Variants in PPP1R15B observed in about 807,000 individuals in gnomAD.
PPP1R15B encodes protein phosphatase 1, regulatory (inhibitor) subunit 15B.
In PPP1R15B, 31 loss-of-function variants were observed where a neutral mutation model predicts 53.9. The ratio of observed to expected loss-of-function variants is 0.58; its 90% CI spans 0.43 to 0.78. The LOEUF (loss-of-function observed/expected upper bound fraction) is 0.78. Among genes scored for constraint, PPP1R15B ranks in the 30% least tolerant of loss-of-function variants. PPP1R15B has a pLI of 0.00. For synonymous variants in PPP1R15B, 345 were observed against 329.1 expected, an observed-to-expected ratio of 1.05 and a Z score of -0.52; for missense variants, 928 against 849.6, an observed-to-expected ratio of 1.09 and a Z score of -1.15.
chr1:204,404,681 T>C lies in PPP1R15B; in HGVS notation c.*1411A>G, dbSNP rs1674235356. The C allele has an allele frequency of 1.0e-5, 10 of 985,690 alleles. No homozygotes were observed. Among genetic ancestry groups the C allele is most frequent in the South Asian group, 4.7e-5 (1 of 21,288 alleles). The allele number at this position is 985,690 out of a possible 1,614,324, so 61.1% of individuals were successfully genotyped here. The stretch of plus-strand genomic sequence containing the variant: ...GTAGTAACCCTGTAAGCACTTCTGA[T>C]GAAAAATTCATCCCCACACTTAAAT... On this transcript the variant is annotated 3_prime_UTR_variant, in exon 2 of 2. Transcript: ENST00000367188.
Position 204,405,552 on chromosome 1 carries a change from G to A in PPP1R15B, c.*540C>T. 2.0e-6 allele frequency: 2 copies of A among 980,362 alleles called. No homozygotes were observed. Among genetic ancestry groups the A allele is most frequent in the Non-Finnish European group, 2.4e-6 (2 of 825,786 alleles). The allele number at this position is 980,362 out of a possible 1,614,324, so 60.7% of individuals were successfully genotyped here. Reference sequence around the variant, plus strand: ...AAAAAAAAAAGTGACACAAAATAATGCACTTTAAGTTGGTAGCATACACAA... The same window carrying A: ...AAAAAAAAAAGTGACACAAAATAATACACTTTAAGTTGGTAGCATACACAA... On this transcript the variant is annotated 3_prime_UTR_variant, in exon 2 of 2. Transcript: ENST00000367188.
At chr1:204,401,867 C>G (rs899630509), downstream of PPP1R15B, among the ~76,000 whole-genome samples, 6 of 152,118 alleles carry the variant, frequency 3.9e-5, no homozygotes, top group African/African-American at 1.4e-4. Context: ...GCTGTTGAGG[C>G]TACAGTGAGC....
downstream of PPP1R15B, among the ~76,000 whole-genome samples, chr1:204,398,943 T>C (rs1674132059): frequency 6.6e-6 from 1 of 152,256 alleles, no homozygotes; most frequent in African/African-American, 2.4e-5. Flanking sequence ...ATGGATGTGG[T>C]ATACCTAGCC....
rs1055558995 is a variant in PPP1R15B at position 204,411,575 on chromosome 1, C to A, written c.-164G>T. ...GAAAAGCCACAGAGGGCAGCGAATG[C>A]GGCAGCGGGCGGCAGAACACAGGGA... On this transcript the variant is annotated 5_prime_UTR_variant, in exon 1 of 2. Transcript: ENST00000367188. 4.0e-5 allele frequency: 35 copies of A among 864,368 alleles called. No individual in the cohort carries two copies. In the African/African-American group the frequency reaches 5.8e-4, roughly 14 times the overall value. The allele number at this position is 864,368 out of a possible 1,614,324, so 53.5% of individuals were successfully genotyped here. A position where few individuals can be genotyped will look rare whatever the true frequency, so the allele number is the denominator to read the frequency against.
At chr1:204,396,601 C>T (rs1674103374), downstream of PPP1R15B, among the ~76,000 whole-genome samples, 1 of 150,384 alleles carries the variant, frequency 6.6e-6, no homozygotes, top group Non-Finnish European at 1.5e-5. Flanking sequence ...CTGCCAAAAG[C>T]TGGAGGTTGG....
downstream of PPP1R15B, among the ~76,000 whole-genome samples, chr1:204,397,860 T>A (rs1400544884): frequency 6.6e-6 from 1 of 151,520 alleles, no homozygotes; most frequent in Non-Finnish European, 1.5e-5. Flanking sequence ...ATTTAAAACT[T>A]TGGGTTTCAG....
chr1:204,409,435 T>C, intron 1 of PPP1R15B, 57 bp downstream of exon 1: 1 of 1,529,888 alleles, frequency 6.5e-7, no homozygotes, highest in Non-Finnish European at 8.8e-7. Context: ...GCTGCTATAT[T>C]TAAGCATATA....
In PPP1R15B at chr1:204,405,311, A is replaced by G. The variant is rs930338918; in HGVS notation, c.*781T>C. ...AACCTGTTAAGAGATACAAAGAACT[A>G]TATTAAACTGGGAACTACAATAACG... is the stretch of plus-strand genomic sequence containing the variant. On this transcript the variant is annotated 3_prime_UTR_variant, in exon 2 of 2. Transcript: ENST00000367188. 24 of 978,928 alleles carry G rather than the reference A, an allele frequency of 2.5e-5. No individual in the cohort carries two copies. The highest frequency in any genetic ancestry group is 2.3e-4 in the East Asian group (2 of 8,798). 60.6% of individuals were successfully genotyped at this position (978,928 alleles called of 1,614,324 possible).
In PPP1R15B at chr1:204,409,682, G is replaced by A; in HGVS notation, c.1730C>T (p.Thr577Ile). The change falls in exon 1 of 2, where the codon ACA (threonine) becomes ATA (isoleucine). Residue 577 changes from threonine to isoleucine, a missense_variant. Physicochemically the swap from Thr to Ile is moderately conservative, Grantham distance 89 (BLOSUM62 -1). Transcript: ENST00000367188. Reference sequence around the variant, plus strand: ...ACAGCCTTTCTCATTTTCCCCTGATGTTTGAAAAGGAGCCTTAAAATTTAA... The same window carrying A: ...ACAGCCTTTCTCATTTTCCCCTGATATTTGAAAAGGAGCCTTAAAATTTAA... ...NPLNFKAPFQ[T>I]SGENEKGCRD... 1 of 1,614,068 alleles carries A rather than the reference G, an allele frequency of 6.2e-7. No homozygotes were observed. The highest frequency in any genetic ancestry group is 1.1e-5 in the South Asian group (1 of 91,082).
downstream of PPP1R15B, among the ~76,000 whole-genome samples, chr1:204,402,494 A>C (rs1674193763): frequency 6.6e-6 from 1 of 152,088 alleles, no homozygotes; most frequent in African/African-American, 2.4e-5. Context: ...TGCAGGCTTG[A>C]ACTTCTGTGC....
rs373412277 is a variant in PPP1R15B at position 204,411,007 on chromosome 1, C to A, written c.405G>T (p.Ser135=). ...CTAGCCAATCAAGGGGACTGGTGACCGAGGGGTCTGAGGAGTCGAGCTGCA... is the reference window on the plus strand; with the variant it reads ...CTAGCCAATCAAGGGGACTGGTGACAGAGGGGTCTGAGGAGTCGAGCTGCA... ...SSLQLDSSDP[S]VTSPLDWLEE... is the part of the protein sequence containing the mutation. The change falls in exon 1 of 2, where the codon TCG becomes TCT. Residue 135 remains serine, a synonymous_variant. Coordinates refer to ENST00000367188, the MANE Select transcript of PPP1R15B (RefSeq NM_032833.5). 1.2e-6 allele frequency: 2 copies of A among 1,614,110 alleles called. No homozygotes were observed. Among genetic ancestry groups the A allele is most frequent in the Non-Finnish European group, 1.7e-6 (2 of 1,180,028 alleles).
chr1:204,408,478 G>A (rs955450421), intron 1 of PPP1R15B, among the ~76,000 whole-genome samples: 2 of 152,206 alleles, frequency 1.3e-5, no homozygotes, highest in Non-Finnish European at 2.9e-5. Context: ...AGCTGGCCAT[G>A]TGGAGCCAAG....
At chr1:204,398,875 C>T (rs191362716), downstream of PPP1R15B, among the ~76,000 whole-genome samples, 446 of 152,212 alleles carry the variant, frequency 2.9e-3, 1 homozygote, top group Non-Finnish European at 5.0e-3. Context: ...TTGATTTGCT[C>T]GCATATTAAA....
Position 204,411,555 on chromosome 1 carries a change from G to T in PPP1R15B, c.-144C>A. The T allele has an allele frequency of 1.8e-6, 2 of 1,127,520 alleles. No homozygotes were observed. The highest frequency in any genetic ancestry group is 2.5e-6 in the Non-Finnish European group (2 of 797,978). The allele number at this position is 1,127,520 out of a possible 1,614,324, so 69.8% of individuals were successfully genotyped here. A position where few individuals can be genotyped will look rare whatever the true frequency, so the allele number is the denominator to read the frequency against. On this transcript the variant is annotated 5_prime_UTR_variant, in exon 1 of 2. Transcript: ENST00000367188. Reference sequence around the variant, plus strand: ...GGCCGATCTTCGAGCCAGCAGAAAAGCCACAGAGGGCAGCGAATGCGGCAG... The same window carrying T: ...GGCCGATCTTCGAGCCAGCAGAAAATCCACAGAGGGCAGCGAATGCGGCAG...
At chr1:204,400,761 A>C, downstream of PPP1R15B, 1 of 977,344 alleles carries the variant, frequency 1.0e-6, no homozygotes, top group Non-Finnish European at 1.2e-6. Context: ...TTTGCTATTA[A>C]GTTCTTCATC....
At chr1:204,406,428 A>G in intron 1 of PPP1R15B, 115 bp from the exon 2 acceptor site, 1 of 1,312,852 alleles carries the variant, frequency 7.6e-7, no homozygotes, top group Non-Finnish European at 1.0e-6. Flanking sequence ...AGAATAACAT[A>G]TTATTATTAG....
chr1:204,410,832 G>A lies in PPP1R15B; in HGVS notation c.580C>T (p.Leu194=). Residue 194 remains leucine, a synonymous_variant, in exon 1 of 2, where the codon CTG becomes TTG. Transcript: ENST00000367188. ...GAGCCAAGTTCCCGGTTAGAGTACA[G>A]ACGGGATTGAAGGCTACTGGGCAAC... ...ELLPSSLQSR[L]YSNRELGSSP... is the part of the protein sequence containing the mutation. The A allele has an allele frequency of 6.2e-7, 1 of 1,614,250 alleles. No individual in the cohort carries two copies. Among genetic ancestry groups the A allele is most frequent in the African/African-American group, 1.3e-5 (1 of 75,062 alleles).
chr1:204,397,806 G>A (rs1000234329), downstream of PPP1R15B, among the ~76,000 whole-genome samples: 3 of 151,894 alleles, frequency 2.0e-5, no homozygotes, highest in African/African-American at 7.3e-5. Flanking sequence ...GCGAACCTTA[G>A]GCTACCACTG....
Position 204,404,670 on chromosome 1 carries a change from A to G in PPP1R15B, c.*1422T>C. 3 of 985,818 alleles carry G rather than the reference A, an allele frequency of 3.0e-6. No homozygotes were observed. The highest frequency in any genetic ancestry group is 3.6e-6 in the Non-Finnish European group (3 of 829,894). The allele number at this position is 985,818 out of a possible 1,614,324, so 61.1% of individuals were successfully genotyped here. ...TGTAAACTGAGGTAGTAACCCTGTA[A>G]GCACTTCTGATGAAAAATTCATCCC... On this transcript the variant is annotated 3_prime_UTR_variant, in exon 2 of 2. Transcript: ENST00000367188.
Sources: gnomAD v4.1 joint callset for allele counts (sites outside exome capture counted in the v4.1 genomes callset) on GRCh38, gnomAD v4.1.1 for gene constraint, MANE v1.5 for transcripts, NCBI Gene and HGNC (gene_info 2026-07-23, HGNC 2026-07-21) for gene names.